Variants in HGSNAT observed in about 807,000 individuals in gnomAD.
The protein encoded by HGSNAT is heparan-alpha-glucosaminide N-acetyltransferase, also known as transmembrane protein 76.
A neutral mutation model predicts 85.2 loss-of-function variants in HGSNAT; 59 were observed. The observed-to-expected ratio is 0.69, with a 90% CI of 0.56 to 0.86. The LOEUF is 0.86. Ranked by LOEUF, HGSNAT falls within the 40% of genes least tolerant of loss-of-function variation. HGSNAT has a pLI of 0.00. For missense variants in HGSNAT, 756 were observed against 777.1 expected (o/e 0.97, Z 0.32); for synonymous variants, 321 against 304.5 (o/e 1.05, Z -0.56).
chr8:43,164,826 C>T (rs1255514176), intron 5 of HGSNAT, among the ~76,000 whole-genome samples: 1 of 152,040 alleles, frequency 6.6e-6, no homozygotes, highest in Non-Finnish European at 1.5e-5. Context: ...CTTTCTTTTA[C>T]TCAAACGCTT....
Position 43,169,188 on chromosome 8 carries a change from C to G in HGSNAT, c.579C>G (p.Asn193Lys), listed in dbSNP as rs1185249309. Residue 193 changes from asparagine to lysine, a missense_variant, in exon 6 of 18, where the codon AAC becomes AAG. Coordinates refer to ENST00000379644, the MANE Select transcript of HGSNAT (RefSeq NM_152419.3). ...LRLLLSLDDF[N>K]NWISKAISSR... ...TTATTTTCAGTTTGGATGACTTTAA[C>G]AATTGGATTTCTAAAGCCATAAGTT... 6 of 1,568,644 alleles carry G rather than the reference C, an allele frequency of 3.8e-6. No homozygotes were observed. The highest frequency in any genetic ancestry group is 4.3e-6 in the Non-Finnish European group (5 of 1,156,578).
intron 11 of HGSNAT, 155 bp downstream of exon 11, chr8:43,182,415 G>A (rs1367373964): frequency 1.4e-6 from 1 of 717,260 alleles, no homozygotes. Flanking sequence ...CGGGATTACA[G>A]GTGTGAGCCA....
chr8:43,153,833 A>G (rs1244713033), intron 2 of HGSNAT, among the ~76,000 whole-genome samples: 1 of 152,214 alleles, frequency 6.6e-6, no homozygotes, highest in Non-Finnish European at 1.5e-5. Flanking sequence ...TTCACTTAAC[A>G]TAATGTCCAT....
chr8:43,196,964 T>C lies in HGSNAT; in HGVS notation c.1481T>C (p.Leu494Ser), dbSNP rs941933650. 3.1e-6 allele frequency: 5 copies of C among 1,608,466 alleles called. No homozygotes were observed. The highest frequency in any genetic ancestry group is 4.3e-6 in the Non-Finnish European group (5 of 1,175,020). ...CTCCTCCAGGCAGGAAAAATACTAT[T>C]GTATTACAAGGCTCGGACCAAAGAC... ...FLGVQAGKIL[L>S]YYKARTKDIL... The change falls in exon 15 of 18, where the codon TTG becomes TCG. Residue 494 changes from leucine to serine, a missense_variant. By Grantham distance (145) the Leu-to-Ser change is moderately radical. Coordinates refer to ENST00000379644, the MANE Select transcript of HGSNAT (RefSeq NM_152419.3).
At chr8:43,183,915 T>C (rs1804219816) in intron 11 of HGSNAT, among the ~76,000 whole-genome samples, 1 of 152,198 alleles carries the variant, frequency 6.6e-6, no homozygotes. Flanking sequence ...GATAGTTTGC[T>C]GAGAATGATG....
Position 43,197,016 on chromosome 8 carries a change from T to G in HGSNAT, c.1533T>G (p.Cys511Trp), listed in dbSNP as rs1563386046. 3 of 1,603,528 alleles carry G rather than the reference T, an allele frequency of 1.9e-6. No individual in the cohort carries two copies. Among genetic ancestry groups the G allele is most frequent in the Non-Finnish European group, 2.6e-6 (3 of 1,170,616 alleles). The change falls in exon 15 of 18, where the codon TGT becomes TGG. Residue 511 changes from cysteine to tryptophan, a missense_variant. Cys to Trp is a radical substitution (Grantham distance 215). Coordinates refer to ENST00000379644, the MANE Select transcript of HGSNAT (RefSeq NM_152419.3). ...KDILIRFTAW[C>W]CILGLISVAL... is the part of the protein sequence containing the mutation. The stretch of plus-strand genomic sequence containing the variant: ...TCCTGATTCGATTCACTGCTTGGTG[T>G]TGTATTCTTGTAAGTAAGCAGCATT...
At chr8:43,157,755 G>T (rs1334326373) in intron 2 of HGSNAT, among the ~76,000 whole-genome samples, 1 of 152,086 alleles carries the variant, frequency 6.6e-6, no homozygotes, top group Non-Finnish European at 1.5e-5. Flanking sequence ...TCCAACCTGG[G>T]TGACAGAGTG....
chr8:43,158,253 C>T (rs1803155514), intron 2 of HGSNAT, among the ~76,000 whole-genome samples: 1 of 152,092 alleles, frequency 6.6e-6, no homozygotes, highest in African/African-American at 2.4e-5. Context: ...CATGTGCCAC[C>T]ACGTCCAGCT....
intron 7 of HGSNAT, among the ~76,000 whole-genome samples, 172 bp downstream of exon 7, chr8:43,170,866 A>G (rs960830358): frequency 5.3e-5 from 8 of 152,274 alleles, no homozygotes; most frequent in African/African-American, 1.4e-4. Context: ...CTGGAAGACC[A>G]TCATGATCCT....
intron 5 of HGSNAT, among the ~76,000 whole-genome samples, chr8:43,167,597 T>C (rs1402084725): frequency 2.0e-5 from 3 of 152,260 alleles, no homozygotes; most frequent in Non-Finnish European, 4.4e-5. Context: ...ATAACTTTTA[T>C]ATACACTGGG....
chr8:43,192,487 A>G (rs1804574423), intron 13 of HGSNAT, 57 bp downstream of exon 13: 3 of 1,533,012 alleles, frequency 2.0e-6, no homozygotes, highest in Non-Finnish European at 2.6e-6. Flanking sequence ...AAGTGAAGGA[A>G]AGTAGAAAGA....
chr8:43,196,652 T>G, intron 14 of HGSNAT: 3 of 724,324 alleles, frequency 4.1e-6, no homozygotes, highest in Non-Finnish European at 4.3e-6. Context: ...TGCCCCATTC[T>G]GCTCAGGAGC....
rs531574541 is a variant in HGSNAT, at chr8:43,182,310, A to T, written c.1128+50A>T. On this transcript the variant is annotated intron_variant, in intron 11 of 17. Transcript: ENST00000379644. ...AAAAACTTTTTTTAAATTAAAAAAA[A>T]TGTATTGTGTGGTGATACGGTCTCA... The T allele has an allele frequency of 2.6e-5, 36 of 1,385,570 alleles. 1 individual carries two copies. In the South Asian group the frequency reaches 4.1e-4, roughly 16 times the overall value. 85.8% of individuals were successfully genotyped at this position (1,385,570 alleles called of 1,614,324 possible). A position where few individuals can be genotyped will look rare whatever the true frequency, so the allele number is the denominator to read the frequency against.
chr8:43,151,601 G>A (rs541762177), intron 2 of HGSNAT, among the ~76,000 whole-genome samples: 2 of 152,182 alleles, frequency 1.3e-5, no homozygotes, highest in East Asian at 3.9e-4. Flanking sequence ...AAAAAGCAGG[G>A]ATTATGTATT....
In HGSNAT at chr8:43,197,971, C is replaced by CA. The variant is rs755106287; in HGVS notation, c.1726+22dup. The CA allele has an allele frequency of 4.5e-6, 7 of 1,552,326 alleles. No homozygotes were observed. In the African/African-American group the frequency reaches 9.5e-5, roughly 21 times the overall value. On this transcript the variant is annotated intron_variant, in intron 17 of 17. Coordinates refer to ENST00000379644, the MANE Select transcript of HGSNAT (RefSeq NM_152419.3). Reference sequence around the variant, plus strand: ...TATCCAGGTAAGTCACCTCCAACCTCAAACAGAGCTGGGATGGTGACCAGG... The same window carrying CA: ...TATCCAGGTAAGTCACCTCCAACCTCAAAACAGAGCTGGGATGGTGACCAGG...
Position 43,196,932 on chromosome 8 carries a change from G to A in HGSNAT, c.1465-16G>A, listed in dbSNP as rs2130819513. 1 of 1,528,032 alleles carries A rather than the reference G, an allele frequency of 6.5e-7. No individual in the cohort carries two copies. The highest frequency in any genetic ancestry group is 9.1e-7 in the Non-Finnish European group (1 of 1,102,146). The allele number at this position is 1,528,032 out of a possible 1,614,324, so 94.7% of individuals were successfully genotyped here. ...CTTTGGCGATTCTTTTGGTCACACT[G>A]TGTTATCTCCTCCAGGCAGGAAAAA... On this transcript the variant is annotated splice_polypyrimidine_tract_variant and intron_variant, in intron 14 of 17. Transcript: ENST00000379644.
intron 1 of HGSNAT, among the ~76,000 whole-genome samples, 197 bp from the exon 2 acceptor site, chr8:43,146,751 G>A (rs956294943): frequency 6.6e-6 from 1 of 152,078 alleles, no homozygotes; most frequent in Non-Finnish European, 1.5e-5. Flanking sequence ...ATGCATGTGT[G>A]TGTGTGCACA....
chr8:43,193,125 G>C (rs1804598634), intron 13 of HGSNAT, among the ~76,000 whole-genome samples: 2 of 152,182 alleles, frequency 1.3e-5, no homozygotes, highest in African/African-American at 4.8e-5. Flanking sequence ...TGGAGAGGTA[G>C]CTCTCTTTAG....
intron 10 of HGSNAT, 45 bp from the exon 11 acceptor site, chr8:43,182,097 AGAG>A (rs747744084): frequency 1.9e-5 from 26 of 1,359,732 alleles, no homozygotes; most frequent in Non-Finnish European, 2.6e-5. Context: ...TCCTGGGATG[AGAG>A]GAGAAGTCCT....
Sources: gnomAD v4.1 joint callset for allele counts (sites outside exome capture counted in the v4.1 genomes callset) on GRCh38, gnomAD v4.1.1 for gene constraint, MANE v1.5 for transcripts, NCBI Gene and HGNC (gene_info 2026-07-23, HGNC 2026-07-21) for gene names.